SLC35F4: variants seen among roughly 807,000 people sequenced by gnomAD.
SLC35F4 encodes chromosome 14 open reading frame 36.
In SLC35F4, 24 loss-of-function variants were observed where a neutral mutation model predicts 44.2. The observed-to-expected ratio is 0.54, with a 90% CI of 0.39 to 0.76. The LOEUF (loss-of-function observed/expected upper bound fraction) is 0.76, where lower values mean the gene tolerates loss of function less well. Among genes scored for constraint, SLC35F4 ranks in the 30% least tolerant of loss-of-function variants. The pLI, the probability that SLC35F4 is intolerant of heterozygous loss-of-function variation, is 0.00. For synonymous variants in SLC35F4, 238 were observed against 223.6 expected (o/e 1.06, Z -0.57); for missense variants, 562 against 586.1 (o/e 0.96, Z 0.42).
intron 1 of SLC35F4, among the ~76,000 whole-genome samples, chr14:57,888,365 C>A (rs1325703485): frequency 6.6e-6 from 1 of 152,196 alleles, no homozygotes; most frequent in African/African-American, 2.4e-5. Flanking sequence ...CCTGAAATCC[C>A]CTTCCATGTT....
intron 1 of SLC35F4, among the ~76,000 whole-genome samples, chr14:57,980,437 G>A (rs1881342799): frequency 6.6e-6 from 1 of 152,168 alleles, no homozygotes; most frequent in Admixed American, 6.5e-5. Context: ...TGGGCTTGCA[G>A]CACCTCTGGG....
intron 1 of SLC35F4, among the ~76,000 whole-genome samples, chr14:57,836,996 A>G (rs1884995810): frequency 6.6e-6 from 1 of 152,220 alleles, no homozygotes; most frequent in South Asian, 2.1e-4. Flanking sequence ...AGAAAATGTT[A>G]TTAACATTAT....
intron 1 of SLC35F4, among the ~76,000 whole-genome samples, chr14:57,705,233 A>C (rs1461053938): frequency 6.6e-6 from 1 of 152,192 alleles, no homozygotes; most frequent in African/African-American, 2.4e-5. Context: ...CCTACTGCAA[A>C]TGGAATCAAA....
intron 1 of SLC35F4, among the ~76,000 whole-genome samples, chr14:57,850,865 T>C (rs1395211288): frequency 1.3e-5 from 2 of 152,226 alleles, no homozygotes; most frequent in Non-Finnish European, 1.5e-5. Flanking sequence ...AAAGACTGCA[T>C]GGATGGTTTT....
At chr14:57,710,894 G>T (rs1226643284) in intron 1 of SLC35F4, among the ~76,000 whole-genome samples, 1 of 152,084 alleles carries the variant, frequency 6.6e-6, no homozygotes, top group African/African-American at 2.4e-5. Flanking sequence ...GACTTGCCTT[G>T]TCTCAGATGA....
At chr14:57,565,203 A>G (rs2139653332) in intron 7 of SLC35F4, among the ~76,000 whole-genome samples, 1 of 152,302 alleles carries the variant, frequency 6.6e-6, no homozygotes, top group South Asian at 2.1e-4. Context: ...TTTGCGTATG[A>G]GGATATTTTT....
chr14:57,652,271 A>T lies in SLC35F4; in HGVS notation c.104-58147T>A, dbSNP rs527877084. Among the ~76,000 whole-genome samples the T allele has an allele frequency of 7.6e-4, 116 of 152,276 alleles. 1 individual carries two copies. The highest frequency in any genetic ancestry group is 2.6e-3 in the African/African-American group (108 of 41,556). On this transcript the variant is annotated intron_variant, in intron 1 of 7. Transcript: ENST00000556826. ...GACTATCAATAAACCAGAAACAAGA[A>T]ATAAAAAGAAACCCCATGGACAGGC...
At chr14:57,909,417 C>A (rs1223213885) in intron 1 of SLC35F4, among the ~76,000 whole-genome samples, 3 of 151,740 alleles carry the variant, frequency 2.0e-5, no homozygotes, top group Non-Finnish European at 2.9e-5. Context: ...AGTTTCATAG[C>A]CCTAAAAATC....
intron 1 of SLC35F4, among the ~76,000 whole-genome samples, chr14:57,702,242 C>T (rs1007009729): frequency 6.6e-6 from 1 of 151,766 alleles, no homozygotes; most frequent in Non-Finnish European, 1.5e-5. Context: ...AAACCTTTGT[C>T]CTCCTTTACC....
chr14:57,653,468 T>C (rs1053916575), intron 1 of SLC35F4, among the ~76,000 whole-genome samples: 2 of 152,186 alleles, frequency 1.3e-5, no homozygotes, highest in African/African-American at 4.8e-5. Flanking sequence ...GTGGAGACAA[T>C]CACTGGTTGG....
chr14:57,929,818 G>A (rs1210173409), intron 1 of SLC35F4, among the ~76,000 whole-genome samples: 1 of 152,144 alleles, frequency 6.6e-6, no homozygotes, highest in Non-Finnish European at 1.5e-5. Flanking sequence ...GTCAGCATAG[G>A]GCTGAATAAG....
chr14:57,825,691 G>T (rs1883662095), intron 1 of SLC35F4, among the ~76,000 whole-genome samples: 1 of 152,122 alleles, frequency 6.6e-6, no homozygotes, highest in Non-Finnish European at 1.5e-5. Flanking sequence ...AAATCATTGT[G>T]CAAAAATCAC....
intron 1 of SLC35F4, among the ~76,000 whole-genome samples, chr14:57,665,575 A>G (rs2074280664): frequency 6.6e-6 from 1 of 152,192 alleles, no homozygotes; most frequent in Non-Finnish European, 1.5e-5. Context: ...TGAATATACT[A>G]AATGTATTTC....
intron 1 of SLC35F4, among the ~76,000 whole-genome samples, chr14:57,617,130 CTTTTT>C (rs3054446): frequency 2.0e-5 from 2 of 99,246 alleles, no homozygotes; most frequent in Non-Finnish European, 3.8e-5. Flanking sequence ...TGTACTTATT[CTTTTT>C]TTTTTTTTTT....
chr14:57,785,305 C>A (rs1314977538), intron 1 of SLC35F4, among the ~76,000 whole-genome samples: 3 of 152,182 alleles, frequency 2.0e-5, no homozygotes, highest in South Asian at 4.1e-4. Context: ...CCAAGGGCAA[C>A]AAACTTCTCT....
chr14:57,718,241 T>C (rs2075993727), intron 1 of SLC35F4, among the ~76,000 whole-genome samples: 1 of 152,252 alleles, frequency 6.6e-6, no homozygotes, highest in East Asian at 1.9e-4. Flanking sequence ...TATCCATTCC[T>C]CTGTTGATGG....
At chr14:57,774,942 A>AC (rs1595027803) in intron 1 of SLC35F4, among the ~76,000 whole-genome samples, 1 of 151,024 alleles carries the variant, frequency 6.6e-6, no homozygotes, top group East Asian at 1.9e-4. Context: ...CTGCTCTTCT[A>AC]CCCCCCACCA....
chr14:57,619,382 G>A (rs375738617), intron 1 of SLC35F4, among the ~76,000 whole-genome samples: 11 of 150,170 alleles, frequency 7.3e-5, no homozygotes, highest in African/African-American at 2.5e-4. Flanking sequence ...GCCTCCGCTG[G>A]TGATACCCAG....
At chr14:57,686,119 T>A (rs1015631854) in intron 1 of SLC35F4, among the ~76,000 whole-genome samples, 3 of 152,166 alleles carry the variant, frequency 2.0e-5, no homozygotes, top group Non-Finnish European at 4.4e-5. Flanking sequence ...TCCAAATACA[T>A]AATGTTTAAC....
Sources: allele counts gnomAD v4.1 joint callset (sites outside exome capture counted in the v4.1 genomes callset), GRCh38; gene constraint gnomAD v4.1.1; transcripts MANE v1.5; gene names NCBI Gene and HGNC (gene_info 2026-07-23, HGNC 2026-07-21).